The following SEPTIN9 variants were observed in gnomAD, a reference collection of about 807,000 sequenced individuals.
The protein encoded by SEPTIN9 is septin 9.
Under a neutral mutation model 56.6 loss-of-function variants are expected in SEPTIN9, and 13 were observed. That is an observed-to-expected ratio of 0.23 (90% CI 0.15 to 0.37). SEPTIN9 has a LOEUF of 0.37. Ranked by LOEUF, SEPTIN9 falls within the 10% of genes least tolerant of loss-of-function variation. SEPTIN9 has a pLI of 1.00. For missense variants in SEPTIN9, 650 were observed against 823.1 expected (o/e 0.79, Z 2.57); for synonymous variants, 332 against 334.1 (o/e 0.99, Z 0.07).
At position 77,433,275 on chromosome 17, in the gene SEPTIN9, G is replaced by A. The variant is rs1018181300; in HGVS notation, c.721+30572G>A. Reference sequence around the variant, plus strand: ...GGAAGGAGAGCCTCCCTTCCTGTGAGCCTAGGGAGCCCCTCCATGCAGCCC... The same window carrying A: ...GGAAGGAGAGCCTCCCTTCCTGTGAACCTAGGGAGCCCCTCCATGCAGCCC... On this transcript the variant is annotated intron_variant, in intron 3 of 11. Coordinates refer to ENST00000427177, the MANE Select transcript of SEPTIN9 (RefSeq NM_001113491.2). The surrounding 1 kb of genome is among the most constrained non-coding windows in gnomAD (Gnocchi z 6.4). Among the ~76,000 whole-genome samples the A allele has an allele frequency of 1.3e-5, 2 of 152,086 alleles. No homozygotes were observed. The highest frequency in any genetic ancestry group is 2.9e-5 in the Non-Finnish European group (2 of 68,000).
chr17:77,316,643 G>A (rs1187202227), intron 2 of SEPTIN9, among the ~76,000 whole-genome samples: 1 of 152,014 alleles, frequency 6.6e-6, no homozygotes, highest in African/African-American at 2.4e-5. Context: ...GGGCTTCCCT[G>A]CCCCACAGCA....
At chr17:77,307,650 G>A (rs2032324280) in intron 2 of SEPTIN9, among the ~76,000 whole-genome samples, 1 of 152,164 alleles carries the variant, frequency 6.6e-6, no homozygotes, top group Admixed American at 6.5e-5. Context: ...GTGTTATCTA[G>A]GAGGAAATAA....
chr17:77,320,211 AGGAGGAGGAGGAGG>A (rs2032857825), intron 2 of SEPTIN9: 4 of 1,547,280 alleles, frequency 2.6e-6, no homozygotes, highest in Non-Finnish European at 3.5e-6. Flanking sequence ...GTGTTTTTAG[AGGAGGAGGAGGAGG>A]AGGAGGAGGC....
At chr17:77,304,033 A>G (rs2032166033) in intron 1 of SEPTIN9, among the ~76,000 whole-genome samples, 1 of 152,226 alleles carries the variant, frequency 6.6e-6, no homozygotes, top group South Asian at 2.1e-4. Context: ...AAATCACATA[A>G]AGATAACTCA....
At chr17:77,293,050 T>C (rs1178482509) in intron 1 of SEPTIN9, among the ~76,000 whole-genome samples, 1 of 152,096 alleles carries the variant, frequency 6.6e-6, no homozygotes, top group African/African-American at 2.4e-5. Context: ...AAGGTCTCAC[T>C]CTGTCACGCA....
rs1374932129 is a variant in SEPTIN9 at position 77,493,415 on chromosome 17, A to G, written c.1573+339A>G. 2.0e-5 allele frequency among the ~76,000 whole-genome samples: 3 copies of G among 152,226 alleles called. No homozygotes were observed. The East Asian group carries it at 5.8e-4, about 29-fold the overall frequency. ...CAAATCGCCCAACCTCTCTGGGCCT[A>G]GAAAAGGGGTGGGCTGTAGCTCTGT... On this transcript the variant is annotated intron_variant, in intron 10 of 11. Coordinates refer to ENST00000427177, the MANE Select transcript of SEPTIN9 (RefSeq NM_001113491.2).
At position 77,410,972 on chromosome 17, in the gene SEPTIN9, C is replaced by G. The variant is rs182699344; in HGVS notation, c.721+8269C>G. On this transcript the variant is annotated intron_variant, in intron 3 of 11. Transcript: ENST00000427177. Reference sequence around the variant, plus strand: ...TGGTGGCGGGCACCTGTAGTCCCAGCTGCTTGGGAGGCTGAGGCAGGAGAA... The same window carrying G: ...TGGTGGCGGGCACCTGTAGTCCCAGGTGCTTGGGAGGCTGAGGCAGGAGAA... 5.3e-5 allele frequency among the ~76,000 whole-genome samples: 8 copies of G among 152,130 alleles called. No individual in the cohort carries two copies. The East Asian group carries it at 1.5e-3, about 29-fold the overall frequency.
intron 2 of SEPTIN9, among the ~76,000 whole-genome samples, chr17:77,398,267 G>T (rs1384107007): frequency 1.3e-5 from 2 of 152,196 alleles, no homozygotes; most frequent in African/African-American, 4.8e-5. Context: ...GAGCCACCAC[G>T]CCTGGCTTAG....
Position 77,313,990 on chromosome 17 carries a change from A to G in SEPTIN9, c.76+6793A>G, listed in dbSNP as rs1025253742. On this transcript the variant is annotated intron_variant, in intron 2 of 11. Transcript: ENST00000427177. This position sits in a 1 kb window ranked among gnomAD's most constrained non-coding sequence, Gnocchi z 4.5. ...CGAGGTGGGAGGATCACTTGAGCTC[A>G]GGTGCTCCAGACCAGCCTGGGCAAC... is the stretch of plus-strand genomic sequence containing the variant. Among the ~76,000 whole-genome samples, 1 of 152,068 alleles carries G rather than the reference A, an allele frequency of 6.6e-6. No homozygotes were observed. Among genetic ancestry groups the G allele is most frequent in the Non-Finnish European group, 1.5e-5 (1 of 68,002 alleles).
At chr17:77,300,219 T>G (rs1479009863) in intron 1 of SEPTIN9, among the ~76,000 whole-genome samples, 1 of 152,192 alleles carries the variant, frequency 6.6e-6, no homozygotes, top group African/African-American at 2.4e-5. Context: ...TGCCTCAGCC[T>G]CCTGAGTAGC....
chr17:77,432,595 G>A (rs888060130), intron 3 of SEPTIN9, among the ~76,000 whole-genome samples: 6 of 152,218 alleles, frequency 3.9e-5, no homozygotes, highest in South Asian at 2.1e-4. Context: ...TAACCCTTCC[G>A]TGCTCGTTTT....
At chr17:77,363,913 A>G (rs776989645) in intron 2 of SEPTIN9, among the ~76,000 whole-genome samples, 1 of 148,598 alleles carries the variant, frequency 6.7e-6, no homozygotes, top group South Asian at 2.1e-4. Flanking sequence ...TGTCTCTCAC[A>G]TAGCCTGGCC....
rs984301471 is a variant in SEPTIN9 at position 77,487,311 on chromosome 17, C to T, written c.914-113C>T. 58 of 1,182,598 alleles carry T rather than the reference C, an allele frequency of 4.9e-5. No homozygotes were observed. Among genetic ancestry groups the T allele is most frequent in the Non-Finnish European group, 5.5e-5 (45 of 817,428 alleles). The allele number at this position is 1,182,598 out of a possible 1,614,324, so 73.3% of individuals were successfully genotyped here. A position where few individuals can be genotyped will look rare whatever the true frequency, so the allele number is the denominator to read the frequency against. ...GGATATTGCCGGGAGGTAGCCCAGGCACTGCTGAATCTCAGACTGGAGAGC... is the reference window on the plus strand; with the variant it reads ...GGATATTGCCGGGAGGTAGCCCAGGTACTGCTGAATCTCAGACTGGAGAGC... On this transcript the variant is annotated intron_variant, in intron 4 of 11. Transcript: ENST00000427177. The surrounding 1 kb of genome is among the most constrained non-coding windows in gnomAD (Gnocchi z 4.3).
intron 3 of SEPTIN9, among the ~76,000 whole-genome samples, chr17:77,448,447 G>A (rs894591939): frequency 4.8e-4 from 72 of 151,350 alleles, no homozygotes; most frequent in Non-Finnish European, 8.5e-4. Flanking sequence ...TTGCGCTCCA[G>A]CCTGGGTGAC....
intron 1 of SEPTIN9, among the ~76,000 whole-genome samples, chr17:77,287,118 C>G (rs1007670963): frequency 6.6e-6 from 1 of 152,202 alleles, no homozygotes; most frequent in Non-Finnish European, 1.5e-5. Context: ...CTTAGCCAGG[C>G]AGGCCTGACG....
rs1598198188 is a variant in SEPTIN9, at chr17:77,326,860, A to G, written c.76+19663A>G. Among the ~76,000 whole-genome samples the G allele has an allele frequency of 6.6e-6, 1 of 152,140 alleles. No homozygotes were observed. The highest frequency in any genetic ancestry group is 1.5e-5 in the Non-Finnish European group (1 of 68,000). On this transcript the variant is annotated intron_variant, in intron 2 of 11. Coordinates refer to ENST00000427177, the MANE Select transcript of SEPTIN9 (RefSeq NM_001113491.2). The surrounding 1 kb of genome is among the most constrained non-coding windows in gnomAD (Gnocchi z 5.1). ...TGATTGAATCAATCATGCCTTCGTAATGAGGCCTCCGTGAACACTCAGAAG... is the reference window on the plus strand; with the variant it reads ...TGATTGAATCAATCATGCCTTCGTAGTGAGGCCTCCGTGAACACTCAGAAG...
chr17:77,303,878 C>T (rs138652121), intron 1 of SEPTIN9, among the ~76,000 whole-genome samples: 242 of 152,194 alleles, frequency 1.6e-3, no homozygotes, highest in Non-Finnish European at 3.1e-3. Flanking sequence ...AAGGGCCTGG[C>T]GAGGTCTGCG....
chr17:77,339,865 G>A (rs1323960295), intron 2 of SEPTIN9, among the ~76,000 whole-genome samples: 1 of 150,924 alleles, frequency 6.6e-6, no homozygotes, highest in Non-Finnish European at 1.5e-5. Flanking sequence ...TCGCTTTGTT[G>A]CCTAGACTGG....
intron 3 of SEPTIN9, among the ~76,000 whole-genome samples, chr17:77,480,014 G>A (rs1309760600): frequency 6.6e-6 from 1 of 152,186 alleles, no homozygotes; most frequent in Non-Finnish European, 1.5e-5. Context: ...GAGTATTTCT[G>A]AAGGGGGAGC....
Sources: gnomAD v4.1 joint callset for allele counts (sites outside exome capture counted in the v4.1 genomes callset) on GRCh38, gnomAD v4.1.1 for gene constraint, Gnocchi (gnomAD v3.1) non-coding constraint, MANE v1.5 for transcripts, NCBI Gene and HGNC (gene_info 2026-07-23, HGNC 2026-07-21) for gene names.